Variants in MKNK2 observed in about 807,000 individuals in gnomAD.
MKNK2 encodes the protein MAP kinase-interacting serine/threonine-protein kinase 2.
A neutral mutation model predicts 55.0 loss-of-function variants in MKNK2; 54 were observed. That is an observed-to-expected ratio of 0.98 (90% CI 0.79 to 1.23). MKNK2 has a LOEUF of 1.23. Ranked by LOEUF, MKNK2 falls within the 50% of genes most tolerant of loss-of-function variation. MKNK2 has a pLI of 0.00. For missense variants in MKNK2, 685 were observed against 632.1 expected, an observed-to-expected ratio of 1.08 and a Z score of -0.90; for synonymous variants, 323 against 256.0, an observed-to-expected ratio of 1.26 and a Z score of -2.50.
chr19:2,045,360 G>A (rs934072521), intron 5 of MKNK2, among the ~76,000 whole-genome samples: 1 of 152,200 alleles, frequency 6.6e-6, no homozygotes, highest in African/African-American at 2.4e-5. Flanking sequence ...CGCCTGCTGT[G>A]TGGAAGTGCT....
At chr19:2,049,383 G>A (rs888425502) in intron 2 of MKNK2, among the ~76,000 whole-genome samples, 2 of 152,196 alleles carry the variant, frequency 1.3e-5, no homozygotes, top group African/African-American at 4.8e-5. Flanking sequence ...TGTGGGGGGA[G>A]ATTCCTAGAG....
intron 3 of MKNK2, 21 bp downstream of exon 3, chr19:2,046,583 C>A: frequency 1.3e-6 from 2 of 1,557,600 alleles, no homozygotes; most frequent in East Asian, 2.4e-5. Context: ...CCTGTGCCCT[C>A]CTCCCCCTCG....
At position 2,039,603 on chromosome 19, in the gene MKNK2, G is replaced by A. The variant is rs2016829221; in HGVS notation, c.*10C>T. ...ACGGGTGACCTATGTACAGAGGGGA[G>A]ATGGGAGGGTCAGGCGTGGTCTCCC... On this transcript the variant is annotated 3_prime_UTR_variant, in exon 14 of 14. Coordinates refer to ENST00000250896, the MANE Select transcript of MKNK2 (RefSeq NM_199054.3). 6.2e-7 allele frequency: 1 copy of A among 1,607,500 alleles called. No homozygotes were observed.
In MKNK2 at chr19:2,038,347, T is replaced by C; in HGVS notation, c.*1266A>G. ...TGCCCCAGCTGTGGAGCTCGGGGGC[T>C]GCGCCGGGAAGGGCGGGCGGTGACC... On this transcript the variant is annotated 3_prime_UTR_variant, in exon 14 of 14. Transcript: ENST00000250896. The C allele has an allele frequency of 1.0e-6, 1 of 986,404 alleles. No individual in the cohort carries two copies. The highest frequency in any genetic ancestry group is 1.2e-6 in the Non-Finnish European group (1 of 830,366). The allele number at this position is 986,404 out of a possible 1,614,324, so 61.1% of individuals were successfully genotyped here.
rs1379275740 is a variant in MKNK2, at chr19:2,037,560, C to T, written c.*2053G>A. The T allele has an allele frequency of 1.1e-5, 5 of 435,962 alleles. No homozygotes were observed. The highest frequency in any genetic ancestry group is 2.0e-5 in the Non-Finnish European group (5 of 248,938). The allele number at this position is 435,962 out of a possible 1,614,324, so 27.0% of individuals were successfully genotyped here. A position where few individuals can be genotyped will look rare whatever the true frequency, so the allele number is the denominator to read the frequency against. Reference sequence around the variant, plus strand: ...GGTGTAAAGGAAAACTTCTGAGCTCCGTCAGTTCACCTGGTACATTGGAAT... The same window carrying T: ...GGTGTAAAGGAAAACTTCTGAGCTCTGTCAGTTCACCTGGTACATTGGAAT... On this transcript the variant is annotated 3_prime_UTR_variant, in exon 14 of 14. Transcript: ENST00000250896.
Position 2,046,600 on chromosome 19 carries a change from T to C in MKNK2, c.139+4A>G, listed in dbSNP as rs1322502049. ...TGTGCCCTCCTCCCCCTCGGGCCCCTCACCAGGGCGGGCTGAGCACTGCAG... is the reference window on the plus strand; with the variant it reads ...TGTGCCCTCCTCCCCCTCGGGCCCCCCACCAGGGCGGGCTGAGCACTGCAG... On this transcript the variant is annotated splice_donor_region_variant and intron_variant, in intron 3 of 13. Transcript: ENST00000250896. The C allele has an allele frequency of 6.4e-7, 1 of 1,563,774 alleles. No individual in the cohort carries two copies. The highest frequency in any genetic ancestry group is 1.2e-5 in the South Asian group (1 of 85,134).
chr19:2,050,326 G>A (rs2017087372), intron 2 of MKNK2, among the ~76,000 whole-genome samples: 1 of 152,212 alleles, frequency 6.6e-6, no homozygotes, highest in Admixed American at 6.5e-5. Flanking sequence ...TGGGGATTCT[G>A]AAAGAAAGTC....
Position 2,037,559 on chromosome 19 carries a change from C to T in MKNK2, c.*2054G>A. 1 of 434,744 alleles carries T rather than the reference C, an allele frequency of 2.3e-6. No homozygotes were observed. The allele number at this position is 434,744 out of a possible 1,614,324, so 26.9% of individuals were successfully genotyped here. A position where few individuals can be genotyped will look rare whatever the true frequency, so the allele number is the denominator to read the frequency against. ...TGGTGTAAAGGAAAACTTCTGAGCT[C>T]CGTCAGTTCACCTGGTACATTGGAA... On this transcript the variant is annotated 3_prime_UTR_variant, in exon 14 of 14. Coordinates refer to ENST00000250896, the MANE Select transcript of MKNK2 (RefSeq NM_199054.3).
At position 2,037,833 on chromosome 19, in the gene MKNK2, C is replaced by T; in HGVS notation, c.*1780G>A. 3 of 1,506,086 alleles carry T rather than the reference C, an allele frequency of 2.0e-6. No homozygotes were observed. The highest frequency in any genetic ancestry group is 2.7e-6 in the Non-Finnish European group (3 of 1,112,742). 93.3% of individuals were successfully genotyped at this position (1,506,086 alleles called of 1,614,324 possible). The stretch of plus-strand genomic sequence containing the variant: ...GAGGAGGAAGTGACTGTCCCACCTT[C>T]AGAAAAAAAAAAAAAAACAAACAAA... On this transcript the variant is annotated 3_prime_UTR_variant, in exon 14 of 14. Transcript: ENST00000250896.
chr19:2,043,090 C>A, intron 7 of MKNK2, 34 bp downstream of exon 7: 1 of 1,572,392 alleles, frequency 6.4e-7, no homozygotes, highest in East Asian at 2.2e-5. Flanking sequence ...CCTCCCAGCT[C>A]CCTCCCTCCT....
chr19:2,045,598 G>T (rs911237379), intron 5 of MKNK2, among the ~76,000 whole-genome samples: 1 of 152,086 alleles, frequency 6.6e-6, no homozygotes, highest in Non-Finnish European at 1.5e-5. Context: ...AGCCCTGCTC[G>T]CCAGGGCACA....
In MKNK2 at chr19:2,037,861, A is replaced by C. The variant is rs2016785181; in HGVS notation, c.*1752T>G. The C allele has an allele frequency of 1.9e-6, 3 of 1,564,980 alleles. No individual in the cohort carries two copies. The highest frequency in any genetic ancestry group is 2.6e-6 in the Non-Finnish European group (3 of 1,151,122). On this transcript the variant is annotated 3_prime_UTR_variant, in exon 14 of 14. Coordinates refer to ENST00000250896, the MANE Select transcript of MKNK2 (RefSeq NM_199054.3). ...AAAAAAAAAAAAAAACAAACAAACA[A>C]ACGCTGCTAGCCACTCAGCTTTAGA...
rs1438371631 is a variant in MKNK2, at chr19:2,038,377, CCG to C, written c.*1234_*1235del. ...CGGGAAGGGCGGGCGGTGACCCTAG[CCG>C]CGCGCACTTCTAAAGTGGAACCCTG... On this transcript the variant is annotated 3_prime_UTR_variant, in exon 14 of 14. Transcript: ENST00000250896. The C allele has an allele frequency of 3.0e-6, 3 of 986,180 alleles. No homozygotes were observed. The highest frequency in any genetic ancestry group is 2.3e-4 in the East Asian group (2 of 8,806). 61.1% of individuals were successfully genotyped at this position (986,180 alleles called of 1,614,324 possible).
rs760283950 is a variant in MKNK2 at position 2,039,866 on chromosome 19, G to A, written c.1155-10C>T. 3.0e-5 allele frequency: 47 copies of A among 1,586,242 alleles called. No individual in the cohort carries two copies. Among genetic ancestry groups the A allele is most frequent in the Non-Finnish European group, 3.7e-5 (43 of 1,168,468 alleles). ...TTTGGCACAGCTGTTCCTGGGAAAC[G>A]GGGTGGGGGTAGGTGGTCACCAAGA... is the stretch of plus-strand genomic sequence containing the variant. On this transcript the variant is annotated splice_polypyrimidine_tract_variant and intron_variant, in intron 13 of 13. Transcript: ENST00000250896.
At chr19:2,040,860 T>C in intron 12 of MKNK2, 180 bp downstream of exon 12, 1 of 652,878 alleles carries the variant, frequency 1.5e-6, no homozygotes. Context: ...GCGGGCACCG[T>C]GCACAGGCGG....
At chr19:2,048,020 G>A (rs2017036151) in intron 2 of MKNK2, among the ~76,000 whole-genome samples, 1 of 150,928 alleles carries the variant, frequency 6.6e-6, no homozygotes, top group East Asian at 1.9e-4. Context: ...TATACACAGT[G>A]CTGTACTGGT....
In MKNK2 at chr19:2,038,458, C is replaced by T; in HGVS notation, c.*1155G>A. ...GAGGGGGCAGCAGGCTCCGCAGCCCCCGGGGGTTGGAGCATGGAGGGTGGG... is the reference window on the plus strand; with the variant it reads ...GAGGGGGCAGCAGGCTCCGCAGCCCTCGGGGGTTGGAGCATGGAGGGTGGG... On this transcript the variant is annotated 3_prime_UTR_variant, in exon 14 of 14. Transcript: ENST00000250896. The T allele has an allele frequency of 1.0e-6, 1 of 985,488 alleles. No individual in the cohort carries two copies. Among genetic ancestry groups the T allele is most frequent in the Non-Finnish European group, 1.2e-6 (1 of 829,876 alleles). The allele number at this position is 985,488 out of a possible 1,614,324, so 61.0% of individuals were successfully genotyped here.
intron 12 of MKNK2, 181 bp downstream of exon 12, chr19:2,040,859 G>T: frequency 1.5e-6 from 1 of 648,976 alleles, no homozygotes; most frequent in Non-Finnish European, 2.6e-6. Flanking sequence ...AGCGGGCACC[G>T]TGCACAGGCG....
At chr19:2,042,577 C>A in intron 9 of MKNK2, 30 bp downstream of exon 9, 1 of 1,571,096 alleles carries the variant, frequency 6.4e-7, no homozygotes, top group East Asian at 2.3e-5. Flanking sequence ...CCACCCCTCC[C>A]GCGGGGCCAC....
Sources: gnomAD v4.1 joint callset for allele counts (sites outside exome capture counted in the v4.1 genomes callset) on GRCh38, gnomAD v4.1.1 for gene constraint, MANE v1.5 for transcripts, NCBI Gene and HGNC (gene_info 2026-07-23, HGNC 2026-07-21) for gene names.